The following NELL2 variants were observed in gnomAD, a reference collection of about 807,000 sequenced individuals.
NELL2 encodes protein kinase C-binding protein NELL2.
Under a neutral mutation model 109.6 loss-of-function variants are expected in NELL2, and 41 were observed. That is an observed-to-expected ratio of 0.37 (90% CI 0.29 to 0.49). NELL2 has a LOEUF of 0.49. Among genes scored for constraint, NELL2 ranks in the 20% least tolerant of loss-of-function variants. The probability of loss-of-function intolerance (pLI) is 0.98; values close to 1 mark genes in which losing one functional copy is unlikely to be tolerated. For synonymous variants in NELL2, 355 were observed against 344.7 expected, an observed-to-expected ratio of 1.03 and a Z score of -0.33; for missense variants, 900 against 1,008.3, an observed-to-expected ratio of 0.89 and a Z score of 1.45.
At chr12:44,542,305 T>TG (rs1285453772) in intron 15 of NELL2, among the ~76,000 whole-genome samples, 5 of 151,470 alleles carry the variant, frequency 3.3e-5, no homozygotes, top group African/African-American at 9.7e-5. Context: ...TTTTTTTTTT[T>TG]GCAGACCTTA....
At chr12:44,659,011 C>A (rs1203202562) in intron 13 of NELL2, among the ~76,000 whole-genome samples, 1 of 151,686 alleles carries the variant, frequency 6.6e-6, no homozygotes, top group African/African-American at 2.4e-5. Context: ...ATATATAGAC[C>A]AATGGAACAG....
intron 12 of NELL2, among the ~76,000 whole-genome samples, chr12:44,682,650 C>T (rs1444817873): frequency 1.3e-5 from 2 of 152,096 alleles, no homozygotes; most frequent in Non-Finnish European, 2.9e-5. Context: ...TACCCAGTTT[C>T]CCCAGCACCA....
intron 11 of NELL2, among the ~76,000 whole-genome samples, chr12:44,708,982 C>G (rs1411916251): frequency 6.6e-6 from 1 of 152,070 alleles, no homozygotes; most frequent in African/African-American, 2.4e-5. Flanking sequence ...TATTAGGACT[C>G]TTTTAAAAAG....
intron 2 of NELL2, among the ~76,000 whole-genome samples, chr12:44,834,793 A>G (rs1438609863): frequency 2.0e-5 from 3 of 152,098 alleles, no homozygotes; most frequent in Non-Finnish European, 4.4e-5. Context: ...CCCTGGCTAG[A>G]CCCAGTCAGG....
intron 16 of NELL2, among the ~76,000 whole-genome samples, chr12:44,532,129 G>C (rs1172230621): frequency 6.6e-6 from 1 of 152,104 alleles, no homozygotes; most frequent in Non-Finnish European, 1.5e-5. Context: ...TACTTTGCCA[G>C]GCAAGTGTTA....
At chr12:44,778,602 T>G (rs867948648) in intron 5 of NELL2, among the ~76,000 whole-genome samples, 7 of 152,178 alleles carry the variant, frequency 4.6e-5, no homozygotes, top group Admixed American at 1.3e-4. Context: ...GATTTGGGAC[T>G]CACAGCACAC....
chr12:44,576,900 A>C (rs1354385548), intron 15 of NELL2, among the ~76,000 whole-genome samples: 1 of 148,652 alleles, frequency 6.7e-6, no homozygotes, highest in African/African-American at 2.5e-5. Context: ...GCTGCATAGT[A>C]TTCCATGGTG....
intron 9 of NELL2, among the ~76,000 whole-genome samples, chr12:44,732,194 C>T (rs1176998276): frequency 6.6e-6 from 1 of 151,904 alleles, no homozygotes; most frequent in Non-Finnish European, 1.5e-5. Flanking sequence ...CCCAATGTTA[C>T]ATTTTAGAGA....
chr12:44,720,798 T>C (rs945891992), intron 9 of NELL2, among the ~76,000 whole-genome samples: 22 of 152,184 alleles, frequency 1.4e-4, no homozygotes, highest in African/African-American at 5.3e-4. Context: ...ATATTAGAGT[T>C]TAAGAAGTGA....
chr12:44,846,130 A>T (rs950570315), intron 2 of NELL2, among the ~76,000 whole-genome samples: 6 of 152,234 alleles, frequency 3.9e-5, no homozygotes, highest in African/African-American at 1.4e-4. Context: ...TTGGCCATGC[A>T]CATGGTTTAA....
At chr12:44,729,387 C>T (rs899424428) in intron 9 of NELL2, among the ~76,000 whole-genome samples, 5 of 151,610 alleles carry the variant, frequency 3.3e-5, no homozygotes, top group African/African-American at 1.2e-4. Context: ...AAGCGTGTCA[C>T]ACACACACAA....
At chr12:44,515,788 A>G (rs1941233589) in intron 19 of NELL2, among the ~76,000 whole-genome samples, 1 of 151,944 alleles carries the variant, frequency 6.6e-6, no homozygotes, top group African/African-American at 2.4e-5. Context: ...GGCTATATTT[A>G]TTGTTAAAGA....
intron 19 of NELL2, among the ~76,000 whole-genome samples, chr12:44,513,237 T>G (rs1048210579): frequency 3.9e-5 from 6 of 151,960 alleles, no homozygotes; most frequent in Non-Finnish European, 8.8e-5. Flanking sequence ...CCCCCCTAAC[T>G]GGTGTAAAGC....
intron 19 of NELL2, among the ~76,000 whole-genome samples, chr12:44,515,901 A>G (rs1033099854): frequency 6.6e-6 from 1 of 151,902 alleles, no homozygotes; most frequent in African/African-American, 2.4e-5. Flanking sequence ...ATTACTATTG[A>G]TATTTCAATA....
chr12:44,698,427 C>A (rs1311236822), intron 12 of NELL2, among the ~76,000 whole-genome samples: 1 of 152,048 alleles, frequency 6.6e-6, no homozygotes, highest in African/African-American at 2.4e-5. Flanking sequence ...ATGTGGTGAG[C>A]AAGAAGAAGG....
In NELL2 at chr12:44,672,976, G is replaced by A. The variant is rs11182606; in HGVS notation, c.1319-7367C>T. Among the ~76,000 whole-genome samples the A allele has an allele frequency of 1.3e-3, 191 of 152,204 alleles. 3 individuals carry two copies. The East Asian group carries it at 0.026, about 21-fold the overall frequency. Reference sequence around the variant, plus strand: ...GGCTATTGAATATGAAACCTTTTACGAACTCAATGATTTGGATCTCATAGA... The same window carrying A: ...GGCTATTGAATATGAAACCTTTTACAAACTCAATGATTTGGATCTCATAGA... On this transcript the variant is annotated intron_variant, in intron 12 of 19. Coordinates refer to ENST00000429094, the MANE Select transcript of NELL2 (RefSeq NM_001145108.2).
chr12:44,812,033 A>G (rs1388167227), intron 3 of NELL2, among the ~76,000 whole-genome samples: 1 of 152,126 alleles, frequency 6.6e-6, no homozygotes, highest in Non-Finnish European at 1.5e-5. Context: ...GGGCATGCAG[A>G]AGAGTTCTTA....
At chr12:44,880,425 C>T (rs1203393761), upstream of NELL2, among the ~76,000 whole-genome samples, 5 of 151,816 alleles carry the variant, frequency 3.3e-5, no homozygotes, top group Admixed American at 3.3e-4. Flanking sequence ...TGACCAAAAA[C>T]ATTGAAAACA....
intron 1 of NELL2, among the ~76,000 whole-genome samples, chr12:44,897,231 A>G (rs1809431774): frequency 6.6e-6 from 1 of 152,198 alleles, no homozygotes; most frequent in Non-Finnish European, 1.5e-5. Context: ...ATTCTCGGAA[A>G]CCACAGAAAA....
Sources: gnomAD v4.1 joint callset for allele counts (sites outside exome capture counted in the v4.1 genomes callset) on GRCh38, gnomAD v4.1.1 for gene constraint, MANE v1.5 for transcripts, NCBI Gene and HGNC (gene_info 2026-07-23, HGNC 2026-07-21) for gene names.